Variants in CHRM2 observed in about 807,000 individuals in gnomAD.
CHRM2 encodes muscarinic acetylcholine receptor M2.
Under a neutral mutation model 25.0 loss-of-function variants are expected in CHRM2, and 8 were observed. That is an observed-to-expected ratio of 0.32 (90% confidence interval 0.19 to 0.58). The LOEUF is 0.58. CHRM2 is among the 20% of genes least tolerant of loss of function. CHRM2 has a pLI of 0.88. For synonymous variants in CHRM2, 202 were observed against 205.7 expected (o/e 0.98, Z 0.15); for missense variants, 440 against 567.1 (o/e 0.78, Z 2.28).
intron 2 of CHRM2, among the ~76,000 whole-genome samples, chr7:136,927,662 A>G (rs556715892): frequency 7.9e-5 from 12 of 152,342 alleles, no homozygotes; most frequent in Admixed American, 7.8e-4. Flanking sequence ...CCTATGAGCA[A>G]CATTTCCAAA....
rs529490876 is a variant in CHRM2 at position 136,985,583 on chromosome 7, T to C, written c.-124-6604T>C. On this transcript the variant is annotated intron_variant, in intron 2 of 3. Transcript: ENST00000680005. ...TGAGTCATGGCATTGAAGAAAGCAATGGAGTTTGTATCAATCTAAGACAGG... is the reference window on the plus strand; with the variant it reads ...TGAGTCATGGCATTGAAGAAAGCAACGGAGTTTGTATCAATCTAAGACAGG... Among the ~76,000 whole-genome samples the C allele has an allele frequency of 7.1e-5, 10 of 141,808 alleles. 1 individual carries two copies. In the East Asian group the frequency reaches 2.1e-3, roughly 29 times the overall value. The allele number at this position is 141,808 out of a possible 152,430, so 93.0% of individuals were successfully genotyped here. A position where few individuals can be genotyped will look rare whatever the true frequency, so the allele number is the denominator to read the frequency against.
intron 2 of CHRM2, among the ~76,000 whole-genome samples, chr7:136,880,715 A>C (rs568857083): frequency 5.9e-5 from 9 of 151,754 alleles, no homozygotes; most frequent in African/African-American, 2.2e-4. Context: ...GGCCCCACAC[A>C]CACCTACTCC....
At chr7:136,921,111 T>C (rs1156753418) in intron 2 of CHRM2, among the ~76,000 whole-genome samples, 1 of 152,114 alleles carries the variant, frequency 6.6e-6, no homozygotes, top group Admixed American at 6.5e-5. Context: ...CCTGCTCTCC[T>C]GTCGCTCAAA....
chr7:136,907,689 C>A (rs983467142), intron 2 of CHRM2, among the ~76,000 whole-genome samples: 9 of 151,828 alleles, frequency 5.9e-5, no homozygotes, highest in African/African-American at 2.2e-4. Context: ...ACAAAATAGG[C>A]ATTACCAGGT....
At chr7:136,938,401 C>T in intron 2 of CHRM2, 2 of 1,566,248 alleles carry the variant, frequency 1.3e-6, no homozygotes, top group Admixed American at 1.7e-5. Flanking sequence ...CTCCAGGAAC[C>T]GTACCTTGTC....
At position 137,015,892 on chromosome 7, in the gene CHRM2, A is replaced by C; in HGVS notation, c.1027A>C (p.Thr343Pro). Residue 343 changes from threonine (T) to proline (P), a missense_variant, in exon 4 of 4, where the codon ACC becomes CCC. Thr to Pro is a conservative substitution (Grantham distance 38). Transcript: ENST00000680005. The surrounding 1 kb of genome is among the most constrained non-coding windows in gnomAD (Gnocchi z 5.1). ...KSDSCTPTNT[T>P]VEVVGSSGQN... The stretch of plus-strand genomic sequence containing the variant: ...TGACTCATGTACCCCAACTAATACC[A>C]CCGTGGAGGTAGTGGGGTCTTCAGG... The C allele has an allele frequency of 6.2e-7, 1 of 1,613,102 alleles. No individual in the cohort carries two copies. The highest frequency in any genetic ancestry group is 1.1e-5 in the South Asian group (1 of 91,054).
intron 3 of CHRM2, among the ~76,000 whole-genome samples, chr7:136,998,170 C>T (rs762212403): frequency 5.3e-5 from 8 of 152,208 alleles, no homozygotes; most frequent in East Asian, 1.9e-4. Context: ...CAAGCTCATA[C>T]GTTTCAATAT....
chr7:136,980,469 T>C (rs1802410816), intron 2 of CHRM2, among the ~76,000 whole-genome samples: 1 of 152,226 alleles, frequency 6.6e-6, no homozygotes, highest in Non-Finnish European at 1.5e-5. Flanking sequence ...GGTCAGAACT[T>C]CCAATACTTT....
In CHRM2 at chr7:136,902,215, CCAT is replaced by C. The variant is rs1797260533; in HGVS notation, c.-125+32799_-125+32801del. 3 of 74,262 alleles carry C rather than the reference CCAT, an allele frequency of 4.0e-5. No homozygotes were observed. The South Asian group carries it at 9.8e-4, about 24-fold the overall frequency. The allele number at this position is 74,262 out of a possible 1,614,324, so 4.6% of individuals were successfully genotyped here. A position where few individuals can be genotyped will look rare whatever the true frequency, so the allele number is the denominator to read the frequency against. ...TCTATCTATCTATCGATCTATCTAT[CCAT>C]CCATCCATCCATCCATCCATCCATC... On this transcript the variant is annotated intron_variant, in intron 2 of 3. Transcript: ENST00000680005.
intron 2 of CHRM2, among the ~76,000 whole-genome samples, chr7:136,972,515 A>C (rs1801841905): frequency 6.6e-6 from 1 of 152,188 alleles, no homozygotes; most frequent in African/African-American, 2.4e-5. Context: ...CAGTGATTCC[A>C]TTCCCTCTAG....
intron 3 of CHRM2, among the ~76,000 whole-genome samples, chr7:137,009,282 G>C (rs538780065): frequency 1.3e-5 from 2 of 152,120 alleles, no homozygotes; most frequent in East Asian, 3.9e-4. Context: ...TAACAATTCA[G>C]AAAAATCTGT....
At chr7:136,873,316 T>G (rs981892831) in intron 2 of CHRM2, among the ~76,000 whole-genome samples, 7 of 152,210 alleles carry the variant, frequency 4.6e-5, no homozygotes, top group Non-Finnish European at 1.0e-4. Flanking sequence ...GGGAAAGAGA[T>G]GCAAGTCACC....
At chr7:136,872,446 AC>A (rs1261340604) in intron 2 of CHRM2, among the ~76,000 whole-genome samples, 5 of 152,180 alleles carry the variant, frequency 3.3e-5, no homozygotes, top group Non-Finnish European at 7.3e-5. Context: ...AAACAAACAA[AC>A]AAAAACACAT....
At chr7:136,897,274 A>G (rs1226200735) in intron 2 of CHRM2, among the ~76,000 whole-genome samples, 1 of 152,126 alleles carries the variant, frequency 6.6e-6, no homozygotes, top group African/African-American at 2.4e-5. Context: ...TGCATATCTA[A>G]GAGGAGAATC....
chr7:136,970,201 T>G (rs1320640151), intron 2 of CHRM2, among the ~76,000 whole-genome samples: 1 of 152,212 alleles, frequency 6.6e-6, no homozygotes, highest in East Asian at 1.9e-4. Context: ...AAAATGTGCC[T>G]GTATGATGGT....
In CHRM2 at chr7:136,921,794, C is replaced by CTTTTTTTTTTTTTTT. The variant is rs398006503; in HGVS notation, c.-125+52384_-125+52385insTTTTTTTTTTTTTTT. Among the ~76,000 whole-genome samples, 9 of 116,628 alleles carry CTTTTTTTTTTTTTTT rather than the reference C, an allele frequency of 7.7e-5. 1 individual carries two copies. The highest frequency in any genetic ancestry group is 2.5e-4 in the South Asian group (1 of 4,008). 76.5% of individuals were successfully genotyped at this position (116,628 alleles called of 152,430 possible). A position where few individuals can be genotyped will look rare whatever the true frequency, so the allele number is the denominator to read the frequency against. On this transcript the variant is annotated intron_variant, in intron 2 of 3. Coordinates refer to ENST00000680005, the MANE Select transcript of CHRM2 (RefSeq NM_001006630.2). ...TCTTTCTTTCTTTCTTTCTTTCTTT[C>CTTTTTTTTTTTTTTT]TTTTTTTTGAGACAGATTCTCACTC...
At chr7:136,922,427 T>C (rs561681327) in intron 2 of CHRM2, among the ~76,000 whole-genome samples, 1 of 152,238 alleles carries the variant, frequency 6.6e-6, no homozygotes, top group Non-Finnish European at 1.5e-5. Flanking sequence ...ATCTGTTCAC[T>C]GGCTTAAAGC....
chr7:136,935,162 A>C (rs1157759913), intron 2 of CHRM2, among the ~76,000 whole-genome samples: 2 of 152,156 alleles, frequency 1.3e-5, no homozygotes, highest in East Asian at 3.8e-4. Flanking sequence ...GCTCTACCAT[A>C]TATTAAGACT....
At chr7:136,925,504 G>T (rs1243508491) in intron 2 of CHRM2, among the ~76,000 whole-genome samples, 2 of 151,588 alleles carry the variant, frequency 1.3e-5, no homozygotes, top group Non-Finnish European at 2.9e-5. Flanking sequence ...CTTTCATTTT[G>T]TCCAAAAACA....
Sources: gnomAD v4.1 joint callset for allele counts (sites outside exome capture counted in the v4.1 genomes callset) on GRCh38, gnomAD v4.1.1 for gene constraint, Gnocchi (gnomAD v3.1) non-coding constraint, MANE v1.5 for transcripts, NCBI Gene and HGNC (gene_info 2026-07-23, HGNC 2026-07-21) for gene names.